COL24A1: variants seen among roughly 807,000 people sequenced by gnomAD.
The protein encoded by COL24A1 is collagen alpha-1(XXIV) chain.
In COL24A1, 224 loss-of-function variants were observed where a neutral mutation model predicts 253.9. That is an observed-to-expected ratio of 0.88 (90% CI 0.79 to 0.99). The LOEUF (loss-of-function observed/expected upper bound fraction) is 0.99, where lower values mean the gene tolerates loss of function less well. COL24A1 is among the 50% of genes least tolerant of loss of function. The probability of loss-of-function intolerance (pLI) is 0.00; values close to 1 mark genes in which losing one functional copy is unlikely to be tolerated. For missense variants in COL24A1, 2,131 were observed against 2,068.5 expected, an observed-to-expected ratio of 1.03 and a Z score of -0.59; for synonymous variants, 685 against 673.7, an observed-to-expected ratio of 1.02 and a Z score of -0.26.
chr1:86,089,083 C>A, intron 7 of COL24A1, 91 bp downstream of exon 7: 1 of 985,158 alleles, frequency 1.0e-6, no homozygotes, highest in South Asian at 1.7e-5. Flanking sequence ...ATATATCATC[C>A]AATTATGTTT....
chr1:86,000,918 C>A (rs902942459), intron 19 of COL24A1, among the ~76,000 whole-genome samples: 1 of 152,114 alleles, frequency 6.6e-6, no homozygotes, highest in African/African-American at 2.4e-5. Flanking sequence ...TGCTCTGCTG[C>A]CAGAACTGAG....
chr1:86,029,800 CTTTATT>C (rs1559060359), intron 14 of COL24A1: 1 of 151,716 alleles, frequency 6.6e-6, no homozygotes, highest in East Asian at 1.9e-4. Flanking sequence ...ATTTTTTCAG[CTTTATT>C]TTTATTTTTT....
chr1:86,004,392 A>C (rs77218022), intron 19 of COL24A1, among the ~76,000 whole-genome samples: 1 of 152,058 alleles, frequency 6.6e-6, no homozygotes, highest in Non-Finnish European at 1.5e-5. Context: ...ACATTGAAGG[A>C]GGGGCAAGGA....
intron 24 of COL24A1, among the ~76,000 whole-genome samples, chr1:85,944,169 T>A (rs1488299509): frequency 6.6e-6 from 1 of 152,220 alleles, no homozygotes; most frequent in Non-Finnish European, 1.5e-5. Flanking sequence ...GTCAAAAGAC[T>A]TATGTTCTCT....
chr1:85,737,569 T>C lies in COL24A1; in HGVS notation c.4673-64A>G. On this transcript the variant is annotated intron_variant, in intron 57 of 59. Coordinates refer to ENST00000370571, the MANE Select transcript of COL24A1 (RefSeq NM_152890.7). ...AATGCCATAATCCTTATAATTTCTTTTTTTTTTTTGAGAGAGAGAGTCTCA... is the reference window on the plus strand; with the variant it reads ...AATGCCATAATCCTTATAATTTCTTCTTTTTTTTTGAGAGAGAGAGTCTCA... The C allele has an allele frequency of 9.5e-6, 11 of 1,155,218 alleles. 1 individual carries two copies. In the South Asian group the frequency reaches 1.7e-4, roughly 18 times the overall value. 71.6% of individuals were successfully genotyped at this position (1,155,218 alleles called of 1,614,324 possible).
At chr1:85,890,256 T>C (rs1180902086) in intron 31 of COL24A1, among the ~76,000 whole-genome samples, 1 of 152,192 alleles carries the variant, frequency 6.6e-6, no homozygotes, top group African/African-American at 2.4e-5. Flanking sequence ...TTTGGGTATC[T>C]ACCTAGAAGT....
At chr1:85,798,533 T>A (rs1671068338) in intron 47 of COL24A1, among the ~76,000 whole-genome samples, 2 of 152,238 alleles carry the variant, frequency 1.3e-5, no homozygotes, top group Non-Finnish European at 2.9e-5. Flanking sequence ...AAAAAGTGTA[T>A]CTTCTTAGAA....
At chr1:85,993,589 G>A (rs1011395508) in intron 19 of COL24A1, among the ~76,000 whole-genome samples, 1 of 152,028 alleles carries the variant, frequency 6.6e-6, no homozygotes, top group Non-Finnish European at 1.5e-5. Flanking sequence ...TATATAAAAA[G>A]TGAACAAGTA....
intron 33 of COL24A1, among the ~76,000 whole-genome samples, chr1:85,876,695 G>T (rs962598756): frequency 6.6e-6 from 1 of 152,104 alleles, no homozygotes; most frequent in African/African-American, 2.4e-5. Flanking sequence ...AGGAAGGAAA[G>T]AATTTGATTT....
intron 24 of COL24A1, among the ~76,000 whole-genome samples, chr1:85,918,723 A>T (rs1339272012): frequency 6.6e-6 from 1 of 152,240 alleles, no homozygotes; most frequent in African/African-American, 2.4e-5. Context: ...GGATTGTAAG[A>T]TACACCAATA....
At chr1:85,924,876 G>C (rs562550019) in intron 24 of COL24A1, among the ~76,000 whole-genome samples, 15 of 152,132 alleles carry the variant, frequency 9.9e-5, no homozygotes, top group East Asian at 3.9e-4. Context: ...AAGAGGAAGT[G>C]AAATTGTCCA....
At chr1:85,907,107 G>A in intron 28 of COL24A1, 87 bp downstream of exon 28, 1 of 1,030,888 alleles carries the variant, frequency 9.7e-7, no homozygotes, top group East Asian at 2.4e-5. Context: ...ATTCTAGAAG[G>A]TATGATGCTA....
At chr1:85,911,842 C>G (rs569921337) in intron 24 of COL24A1, among the ~76,000 whole-genome samples, 1 of 152,172 alleles carries the variant, frequency 6.6e-6, no homozygotes, top group South Asian at 2.1e-4. Context: ...ACAGAACATG[C>G]CTATCATTCA....
At chr1:85,876,686 G>A (rs75924253) in intron 33 of COL24A1, among the ~76,000 whole-genome samples, 1,638 of 152,144 alleles carry the variant, frequency 0.011, 31 homozygotes, top group African/African-American at 0.038. Flanking sequence ...CAGCAGCCAA[G>A]GAAGGAAAGA....
intron 20 of COL24A1, among the ~76,000 whole-genome samples, chr1:85,972,923 C>T (rs747321321): frequency 2.0e-5 from 3 of 152,156 alleles, no homozygotes; most frequent in Non-Finnish European, 2.9e-5. Flanking sequence ...AGTGACTGGG[C>T]TCTTCTGAAA....
chr1:86,006,134 A>C (rs565215317), intron 19 of COL24A1, among the ~76,000 whole-genome samples: 5 of 152,174 alleles, frequency 3.3e-5, no homozygotes, highest in Non-Finnish European at 7.3e-5. Context: ...AAAATCCCAT[A>C]AGTTATTTGT....
chr1:86,072,528 C>T (rs1342700873), intron 7 of COL24A1, among the ~76,000 whole-genome samples: 1 of 152,140 alleles, frequency 6.6e-6, no homozygotes, highest in African/African-American at 2.4e-5. Flanking sequence ...GGTCAGAGCA[C>T]CTGGGGGAAG....
chr1:85,769,876 C>A (rs1667770823), intron 53 of COL24A1, among the ~76,000 whole-genome samples: 1 of 152,166 alleles, frequency 6.6e-6, no homozygotes, highest in African/African-American at 2.4e-5. Context: ...TAATCTATTG[C>A]ATTTGTAATC....
At chr1:86,123,880 G>A (rs1647798942) in intron 3 of COL24A1, among the ~76,000 whole-genome samples, 2 of 151,730 alleles carry the variant, frequency 1.3e-5, no homozygotes, top group South Asian at 4.1e-4. Context: ...TAAAAGACTG[G>A]CTTCACCTTC....
Sources: gnomAD v4.1 joint callset for allele counts (sites outside exome capture counted in the v4.1 genomes callset) on GRCh38, gnomAD v4.1.1 for gene constraint, MANE v1.5 for transcripts, NCBI Gene and HGNC (gene_info 2026-07-23, HGNC 2026-07-21) for gene names.